Variants in CCDC170 observed in about 807,000 individuals in gnomAD.
The protein encoded by CCDC170 is coiled-coil domain-containing protein 170.
A neutral mutation model predicts 72.6 loss-of-function variants in CCDC170; 69 were observed. The observed-to-expected ratio is 0.95, with a 90% CI of 0.78 to 1.16. The LOEUF is 1.16. CCDC170 is among the 50% of genes most tolerant of loss of function. The pLI is 0.00. For synonymous variants in CCDC170, 300 were observed against 303.9 expected (o/e 0.99, Z 0.13); for missense variants, 852 against 832.5 (o/e 1.02, Z -0.29).
At chr6:151,551,182 A>G (rs1390889322) in intron 5 of CCDC170, among the ~76,000 whole-genome samples, 3 of 152,216 alleles carry the variant, frequency 2.0e-5, no homozygotes, top group Non-Finnish European at 2.9e-5. Context: ...ATTATTTTAC[A>G]TAATATGTAT....
At chr6:151,559,604 G>C (rs768081553) in intron 5 of CCDC170, among the ~76,000 whole-genome samples, 1 of 151,906 alleles carries the variant, frequency 6.6e-6, no homozygotes, top group Non-Finnish European at 1.5e-5. Flanking sequence ...AGTTTTTTTG[G>C]TGTCTTTTGG....
chr6:151,548,192 A>T, intron 4 of CCDC170, 112 bp from the exon 5 acceptor site: 1 of 904,202 alleles, frequency 1.1e-6, no homozygotes, highest in Non-Finnish European at 1.6e-6. Context: ...CCATGTAGGG[A>T]TAGTGCTCTT....
chr6:151,577,181 C>G (rs115486051), intron 6 of CCDC170, among the ~76,000 whole-genome samples: 2,642 of 152,178 alleles, frequency 0.017, 80 homozygotes, highest in African/African-American at 0.061. Flanking sequence ...ATTTTTTGCT[C>G]TGGGGGCCAG....
rs889727623 is a variant in CCDC170, at chr6:151,620,054, T to C, written c.*1907T>C. On this transcript the variant is annotated 3_prime_UTR_variant, in exon 11 of 11. Coordinates refer to ENST00000239374, the MANE Select transcript of CCDC170 (RefSeq NM_025059.4). Reference sequence around the variant, plus strand: ...TTTTTAATTTTTTAAGCTTGACAAATGCACTGATTGTTATACTTTAAATAA... The same window carrying C: ...TTTTTAATTTTTTAAGCTTGACAAACGCACTGATTGTTATACTTTAAATAA... The C allele has an allele frequency of 2.6e-5, 4 of 151,850 alleles. No homozygotes were observed. The highest frequency in any genetic ancestry group is 5.9e-5 in the Non-Finnish European group (4 of 67,976). 9.4% of individuals were successfully genotyped at this position (151,850 alleles called of 1,614,324 possible).
intron 1 of CCDC170, among the ~76,000 whole-genome samples, chr6:151,513,793 G>A (rs896522680): frequency 6.0e-5 from 9 of 150,544 alleles, no homozygotes; most frequent in African/African-American, 1.7e-4. Flanking sequence ...AGTGGCATTC[G>A]CCTGTAATCC....
intron 1 of CCDC170, among the ~76,000 whole-genome samples, chr6:151,525,821 A>G (rs1302636719): frequency 6.6e-6 from 1 of 152,264 alleles, no homozygotes; most frequent in Admixed American, 6.5e-5. Flanking sequence ...GAACATGCAT[A>G]TAAAATTAGA....
chr6:151,587,692 CAG>C (rs1281531655), intron 7 of CCDC170, among the ~76,000 whole-genome samples: 2 of 152,156 alleles, frequency 1.3e-5, no homozygotes, highest in African/African-American at 4.8e-5. Context: ...GCAGATGAGA[CAG>C]GGAGATCGGG....
At chr6:151,538,448 T>C (rs1258150257) in intron 3 of CCDC170, 147 bp downstream of exon 3, 8 of 796,456 alleles carry the variant, frequency 1.0e-5, no homozygotes, top group Non-Finnish European at 1.6e-5. Context: ...TCAAATATCT[T>C]TGGAGTCTTG....
chr6:151,563,427 C>T (rs1158267528), intron 5 of CCDC170, among the ~76,000 whole-genome samples: 2 of 152,182 alleles, frequency 1.3e-5, no homozygotes, highest in Non-Finnish European at 2.9e-5. Context: ...CTCCCCTCTC[C>T]CTTAGAGGTG....
At chr6:151,519,672 C>T (rs1782289639) in intron 1 of CCDC170, among the ~76,000 whole-genome samples, 1 of 152,140 alleles carries the variant, frequency 6.6e-6, no homozygotes, top group African/African-American at 2.4e-5. Flanking sequence ...CCAGCCGGTC[C>T]CTCCGTTCGG....
chr6:151,595,661 A>G (rs1481867683), intron 8 of CCDC170, among the ~76,000 whole-genome samples: 2 of 152,076 alleles, frequency 1.3e-5, no homozygotes, highest in African/African-American at 4.8e-5. Flanking sequence ...ACAAAAAAAT[A>G]CAAAAATCAG....
At chr6:151,567,034 C>T (rs1207643483) in intron 5 of CCDC170, among the ~76,000 whole-genome samples, 1 of 152,110 alleles carries the variant, frequency 6.6e-6, no homozygotes, top group East Asian at 1.9e-4. Flanking sequence ...GATTCTCCTG[C>T]CTCAGCTTCC....
chr6:151,593,381 G>C, intron 8 of CCDC170, 101 bp downstream of exon 8: 1 of 1,225,034 alleles, frequency 8.2e-7, no homozygotes, highest in Non-Finnish European at 1.1e-6. Flanking sequence ...AGTGTAGCTA[G>C]GAAGGCTCTT....
At chr6:151,515,944 T>C (rs988999694) in intron 1 of CCDC170, among the ~76,000 whole-genome samples, 3 of 151,956 alleles carry the variant, frequency 2.0e-5, no homozygotes, top group Non-Finnish European at 4.4e-5. Flanking sequence ...CACATGCCTG[T>C]AGTCCCAGCT....
chr6:151,512,140 C>T (rs1425146728), intron 1 of CCDC170, among the ~76,000 whole-genome samples: 4 of 151,246 alleles, frequency 2.6e-5, no homozygotes, highest in Non-Finnish European at 5.9e-5. Flanking sequence ...CCACTGCACC[C>T]AGCAGTATAC....
intron 3 of CCDC170, among the ~76,000 whole-genome samples, chr6:151,539,186 G>A (rs1782640942): frequency 6.6e-6 from 1 of 151,872 alleles, no homozygotes; most frequent in African/African-American, 2.4e-5. Context: ...CTTGAACCTG[G>A]ACAGGTGGAG....
intron 1 of CCDC170, among the ~76,000 whole-genome samples, chr6:151,516,044 G>A (rs1337881209): frequency 6.6e-6 from 1 of 150,642 alleles, no homozygotes; most frequent in African/African-American, 2.5e-5. Context: ...CCAGCCTGGT[G>A]ACAGAGCAAG....
rs779650559 is a variant in CCDC170 at position 151,540,373 on chromosome 6, CTTTTTTTTTTTT to C, written c.443+2090_443+2101del. ...CCTCCTCCTCCTTCTTCTGCTGCTGCTTTTTTTTTTTTTTTTTTTTTTTTTTTTTGTGACAGA... is the reference window on the plus strand; with the variant it reads ...CCTCCTCCTCCTTCTTCTGCTGCTGCTTTTTTTTTTTTTTTTTGTGACAGA... On this transcript the variant is annotated intron_variant, in intron 3 of 10. Transcript: ENST00000239374. Among the ~76,000 whole-genome samples, 267 of 37,980 alleles carry C rather than the reference CTTTTTTTTTTTT, an allele frequency of 7.0e-3. 2 individuals are homozygous for C. The highest frequency in any genetic ancestry group is 0.013 in the South Asian group (5 of 376). The allele number at this position is 37,980 out of a possible 152,430, so 24.9% of individuals were successfully genotyped here. A position where few individuals can be genotyped will look rare whatever the true frequency, so the allele number is the denominator to read the frequency against.
intron 1 of CCDC170, among the ~76,000 whole-genome samples, chr6:151,535,388 C>T (rs1345245793): frequency 1.3e-5 from 2 of 152,146 alleles, no homozygotes; most frequent in Admixed American, 6.5e-5. Flanking sequence ...TGCCATCTCT[C>T]GTCTCACATG....
Sources: gnomAD v4.1 joint callset for allele counts (sites outside exome capture counted in the v4.1 genomes callset) on GRCh38, gnomAD v4.1.1 for gene constraint, MANE v1.5 for transcripts, NCBI Gene and HGNC (gene_info 2026-07-23, HGNC 2026-07-21) for gene names.